EXD3: variants seen among roughly 807,000 people sequenced by gnomAD.
EXD3 encodes exonuclease mut-7 homolog.
EXD3 carries 92 observed loss-of-function variants against 98.0 expected under a neutral mutation model. The observed-to-expected ratio is 0.94, with a 90% CI of 0.79 to 1.12. The LOEUF is 1.12. Ranked by LOEUF, EXD3 falls within the 50% of genes most tolerant of loss-of-function variation. The pLI, the probability that EXD3 is intolerant of heterozygous loss-of-function variation, is 0.00. For synonymous variants in EXD3, 569 were observed against 526.0 expected (o/e 1.08, Z -1.12); for missense variants, 1,222 against 1,191.6 (o/e 1.03, Z -0.38).
At chr9:137,311,692 G>A (rs936002313) in intron 19 of EXD3, among the ~76,000 whole-genome samples, 4 of 152,104 alleles carry the variant, frequency 2.6e-5, no homozygotes, top group African/African-American at 2.4e-5. Context: ...GCCCTGCCCC[G>A]GCCAGGGCTG....
intron 17 of EXD3, among the ~76,000 whole-genome samples, chr9:137,328,181 TATG>T (rs1564476477): frequency 1.8e-5 from 1 of 56,608 alleles, no homozygotes; most frequent in Non-Finnish European, 3.7e-5. Flanking sequence ...TATACACCAA[TATG>T]ATGAGTAAAA....
chr9:137,401,694 C>A (rs1305727568), intron 1 of EXD3, among the ~76,000 whole-genome samples: 1 of 152,188 alleles, frequency 6.6e-6, no homozygotes, highest in African/African-American at 2.4e-5. Flanking sequence ...TGGCCTCTTT[C>A]AGCCACGGCT....
intron 10 of EXD3, 127 bp downstream of exon 10, chr9:137,354,212 G>T (rs1018138073): frequency 8.7e-6 from 13 of 1,488,492 alleles, no homozygotes; most frequent in Admixed American, 8.1e-5. Flanking sequence ...CCAACATGGG[G>T]TCTGGGCTCA....
rs374846667 is a variant in EXD3 at position 137,366,562 on chromosome 9, A to G, written c.587T>C (p.Leu196Pro). Residue 196 changes from leucine (L) to proline (P), a missense_variant, in exon 7 of 22, where the codon CTC (leucine) becomes CCC (proline). Transcript: ENST00000340951. Reference protein sequence around the residue: ...VERYVAGFPDLQRRLLVLMDS... With the variant: ...VERYVAGFPDPQRRLLVLMDS... ...CATGAGGACCAGCAGCCTCCTCTGG[A>G]GGTCCGGGAAGCCGGCCACATAGCG... is the stretch of plus-strand genomic sequence containing the variant. The G allele has an allele frequency of 1.3e-6, 2 of 1,552,076 alleles. No individual in the cohort carries two copies. Among genetic ancestry groups the G allele is most frequent in the South Asian group, 1.2e-5 (1 of 84,140 alleles).
intron 3 of EXD3, among the ~76,000 whole-genome samples, chr9:137,380,696 TCCCCCTTC>T (rs1836216160): frequency 1.1e-5 from 1 of 90,860 alleles, no homozygotes; most frequent in Non-Finnish European, 2.2e-5. Flanking sequence ...CCCGCCGGTA[TCCCCCTTC>T]CTCCCTGCTG....
At chr9:137,358,387 C>T (rs1167632812) in intron 7 of EXD3, among the ~76,000 whole-genome samples, 2 of 152,148 alleles carry the variant, frequency 1.3e-5, no homozygotes, top group Non-Finnish European at 2.9e-5. Flanking sequence ...GCCAGAACAC[C>T]GTGCCGCTCA....
intron 3 of EXD3, among the ~76,000 whole-genome samples, chr9:137,376,135 G>A (rs1053255648): frequency 9.9e-5 from 15 of 152,074 alleles, no homozygotes; most frequent in African/African-American, 3.6e-4. Context: ...ACGAGGTCAG[G>A]AGATAGAGAC....
At chr9:137,329,556 A>G (rs137914778) in intron 17 of EXD3, among the ~76,000 whole-genome samples, 13 of 7,396 alleles carry the variant, frequency 1.8e-3, no homozygotes, top group East Asian at 0.036. Flanking sequence ...ACTACACGGG[A>G]CTACACGGGA....
chr9:137,374,575 C>T (rs1010869904), intron 3 of EXD3: 1 of 985,378 alleles, frequency 1.0e-6, no homozygotes, highest in Non-Finnish European at 1.2e-6. Flanking sequence ...ACAAATCTCC[C>T]CACAAACACC....
chr9:137,315,533 G>A (rs1831600418), intron 19 of EXD3, among the ~76,000 whole-genome samples: 1 of 152,112 alleles, frequency 6.6e-6, no homozygotes, highest in African/African-American at 2.4e-5. Flanking sequence ...CAGGAGGGCT[G>A]GGGGTGAGCC....
chr9:137,374,512 C>T, intron 3 of EXD3: 1 of 973,720 alleles, frequency 1.0e-6, no homozygotes, highest in Non-Finnish European at 1.2e-6. Context: ...GCTTTGAAAG[C>T]ACTTGCTCCG....
Position 137,307,269 on chromosome 9 carries a change from C to A in EXD3, c.2318-6G>T. On this transcript the variant is annotated splice_polypyrimidine_tract_variant and splice_region_variant and intron_variant, in intron 21 of 21. Coordinates refer to ENST00000340951, the MANE Select transcript of EXD3 (RefSeq NM_017820.5). ...GGCTGCGTCTGGGGCTGGGCCTGGA[C>A]AGATAGAAGTGGACTCCCTGAGCCC... 6.7e-7 allele frequency: 1 copy of A among 1,501,038 alleles called. No individual in the cohort carries two copies. The highest frequency in any genetic ancestry group is 8.9e-7 in the Non-Finnish European group (1 of 1,128,258). 93.0% of individuals were successfully genotyped at this position (1,501,038 alleles called of 1,614,324 possible).
intron 3 of EXD3, chr9:137,377,057 G>A (rs1835944216): frequency 1.3e-5 from 2 of 151,862 alleles, no homozygotes; most frequent in African/African-American, 4.8e-5. Context: ...CTTTCTACCA[G>A]ACCTCATTCC....
intron 9 of EXD3, 117 bp from the exon 10 acceptor site, chr9:137,354,494 C>T: frequency 6.4e-7 from 1 of 1,553,808 alleles, no homozygotes; most frequent in Non-Finnish European, 8.7e-7. Flanking sequence ...CCCAGGTGCT[C>T]ACCCGCCCTG....
chr9:137,346,268 TTCACTCCTTACTG>T, intron 17 of EXD3, among the ~76,000 whole-genome samples: 1 of 83,856 alleles, frequency 1.2e-5, no homozygotes, highest in African/African-American at 5.9e-5. Context: ...AAAAAAAAAA[TTCACTCCTTACTG>T]AAGGAAAAAA....
At chr9:137,355,592 G>GAT (rs1834670567) in intron 8 of EXD3, among the ~76,000 whole-genome samples, 2 of 5,100 alleles carry the variant, frequency 3.9e-4, no homozygotes. Context: ...GAAGGAGAAA[G>GAT]GGCGGAAGGA....
intron 19 of EXD3, among the ~76,000 whole-genome samples, chr9:137,313,821 T>G (rs1476370406): frequency 6.6e-6 from 1 of 152,168 alleles, no homozygotes; most frequent in Non-Finnish European, 1.5e-5. Context: ...TAGAGCAAAC[T>G]GGGAAAACGG....
At chr9:137,355,663 AGGAGAAAGG>A (rs1834705125) in intron 8 of EXD3, among the ~76,000 whole-genome samples, 1 of 125,364 alleles carries the variant, frequency 8.0e-6, no homozygotes, top group African/African-American at 2.8e-5. Flanking sequence ...GGAAGGAGGA[AGGAGAAAGG>A]GAGGATGGAG....
Position 137,366,600 on chromosome 9 carries a change from C to T in EXD3, c.549G>A (p.Val183=), listed in dbSNP as rs1396732133. 6.4e-7 allele frequency: 1 copy of T among 1,557,136 alleles called. No individual in the cohort carries two copies. Among genetic ancestry groups the T allele is most frequent in the Non-Finnish European group, 8.7e-7 (1 of 1,151,158 alleles). The change falls in exon 7 of 22, where the codon GTG becomes GTA. Residue 183 remains valine (V), a synonymous_variant. Transcript: ENST00000340951. ...MSIPLLLQDK[V]ALVERYVAGF... ...CGGCCACATAGCGCTCCACGAGGGC[C>T]ACCTTGTCCTGGAGGAGCAGTGGGA...
Sources: allele counts gnomAD v4.1 joint callset (sites outside exome capture counted in the v4.1 genomes callset), GRCh38; gene constraint gnomAD v4.1.1; transcripts MANE v1.5; gene names NCBI Gene and HGNC (gene_info 2026-07-23, HGNC 2026-07-21).